Variants in DPP6 observed in about 807,000 individuals in gnomAD.
DPP6 encodes dipeptidyl peptidase like 6, also known as A-type potassium channel modulatory protein DPP6.
In DPP6, 69 loss-of-function variants were observed where a neutral mutation model predicts 122.6. The ratio of observed to expected loss-of-function variants is 0.56; its 90% confidence interval spans 0.46 to 0.69. The LOEUF (loss-of-function observed/expected upper bound fraction) is 0.69. DPP6 is among the 30% of genes least tolerant of loss of function. The pLI is 0.00. For missense variants in DPP6, 928 were observed against 1,116.9 expected (o/e 0.83, Z 2.41); for synonymous variants, 418 against 433.1 (o/e 0.97, Z 0.43).
chr7:154,395,655 T>G (rs1815017040), intron 1 of DPP6, among the ~76,000 whole-genome samples: 1 of 152,160 alleles, frequency 6.6e-6, no homozygotes, highest in African/African-American at 2.4e-5. Flanking sequence ...AAAAATGGGA[T>G]CCTTAAGGTT....
At position 154,090,568 on chromosome 7, in the gene DPP6, T is replaced by G. The variant is rs1185659147; in HGVS notation, c.243+37505T>G. ...TTGTGTATCAAAAAGTATATTTTTTTGGGAATACAAAGCCACCACCACCAC... is the reference window on the plus strand; with the variant it reads ...TTGTGTATCAAAAAGTATATTTTTTGGGGAATACAAAGCCACCACCACCAC... On this transcript the variant is annotated intron_variant, in intron 1 of 25. Transcript: ENST00000377770. Among the ~76,000 whole-genome samples the G allele has an allele frequency of 9.2e-5, 14 of 152,280 alleles. No homozygotes were observed. In the East Asian group the frequency reaches 1.4e-3, roughly 15 times the overall value.
rs370711275 is a variant in DPP6, at chr7:154,390,648, C to A, written c.244-55566C>A. On this transcript the variant is annotated intron_variant, in intron 1 of 25. Transcript: ENST00000377770. ...AGCAAACGCCAGGCAGAGTGTGGAA[C>A]CTGGACCCTTCAAAGAGAAACGCAG... Among the ~76,000 whole-genome samples, 26 of 152,236 alleles carry A rather than the reference C, an allele frequency of 1.7e-4. No homozygotes were observed. The East Asian group carries it at 4.8e-3, about 28-fold the overall frequency.
chr7:154,262,655 CAAAAAA>C (rs200633251), intron 1 of DPP6, among the ~76,000 whole-genome samples: 28,419 of 129,250 alleles, frequency 0.22, 3,185 homozygotes, highest in African/African-American at 0.35. Context: ...AAATGAAGTT[CAAAAAA>C]AAAAAAAAAA....
intron 1 of DPP6, among the ~76,000 whole-genome samples, chr7:153,933,675 T>C (rs1303898025): frequency 3.1e-5 from 3 of 97,608 alleles, no homozygotes; most frequent in Admixed American, 1.3e-4. Context: ...CCCTTCACAT[T>C]GCCACATTCT....
chr7:153,908,018 A>C (rs2129001711), intron 1 of DPP6, among the ~76,000 whole-genome samples: 1 of 147,014 alleles, frequency 6.8e-6, no homozygotes, highest in Middle Eastern at 3.5e-3. Context: ...ATTGAAATTT[A>C]GAGGCTGGAA....
chr7:153,767,205 G>A, the DPP6 span, among the ~76,000 whole-genome samples: 7 of 152,144 alleles, frequency 4.6e-5, no homozygotes, highest in Non-Finnish European at 1.0e-4. Context: ...CACTTACCAA[G>A]AAGAGCAGAA....
the DPP6 span, among the ~76,000 whole-genome samples, chr7:153,768,996 G>T: frequency 2.0e-5 from 3 of 152,066 alleles, no homozygotes; most frequent in Non-Finnish European, 2.9e-5. Flanking sequence ...AGTTAAATTG[G>T]CCTTTGAGTA....
the DPP6 span, among the ~76,000 whole-genome samples, chr7:153,777,422 TAAA>T: frequency 7.2e-6 from 1 of 138,228 alleles, no homozygotes; most frequent in Non-Finnish European, 1.5e-5. Context: ...TGTGCTCACA[TAAA>T]AACCTGTACA....
chr7:154,265,881 A>G (rs887163034), intron 1 of DPP6, among the ~76,000 whole-genome samples: 5 of 152,202 alleles, frequency 3.3e-5, no homozygotes, highest in Admixed American at 6.5e-5. Flanking sequence ...TTTAACTAGC[A>G]AAAGATCAGA....
chr7:153,760,276 C>G, the DPP6 span, among the ~76,000 whole-genome samples: 1 of 152,036 alleles, frequency 6.6e-6, no homozygotes, highest in Non-Finnish European at 1.5e-5. Context: ...TAATGTTGTC[C>G]ATGTCTTCAT....
At chr7:153,933,044 G>T (rs369657255) in intron 1 of DPP6, among the ~76,000 whole-genome samples, 332 of 152,216 alleles carry the variant, frequency 2.2e-3, no homozygotes, top group Non-Finnish European at 4.0e-3. Flanking sequence ...ATGTATCTTT[G>T]CTCCTCCTTC....
At position 154,030,062 on chromosome 7, in the gene DPP6, G is replaced by A. The variant is rs193069918; in HGVS notation, c.51+142328G>A. 5.5e-4 allele frequency among the ~76,000 whole-genome samples: 83 copies of A among 152,056 alleles called. 2 individuals carry two copies. The East Asian group carries it at 0.016, about 28-fold the overall frequency. ...AATACAAGAATTAGCCAGGCGTGGCGGCGCACACCTGTAGTTCCAAGTACT... is the reference window on the plus strand; with the variant it reads ...AATACAAGAATTAGCCAGGCGTGGCAGCGCACACCTGTAGTTCCAAGTACT... On this transcript the variant is annotated intron_variant, in intron 1 of 25. Coordinates refer to the DPP6 transcript ENST00000404039.
At chr7:154,523,941 G>A (rs752968749) in intron 3 of DPP6, among the ~76,000 whole-genome samples, 1 of 152,176 alleles carries the variant, frequency 6.6e-6, no homozygotes, top group Non-Finnish European at 1.5e-5. Context: ...AATGAGGTTA[G>A]CATCCATCAT....
chr7:154,086,858 C>A (rs1288976982), intron 1 of DPP6, among the ~76,000 whole-genome samples: 1 of 152,136 alleles, frequency 6.6e-6, no homozygotes, highest in Non-Finnish European at 1.5e-5. Context: ...ACCTCATGAT[C>A]CACCTGCCTT....
the DPP6 span, among the ~76,000 whole-genome samples, chr7:153,864,400 A>C: frequency 6.6e-6 from 1 of 152,146 alleles, no homozygotes; most frequent in Admixed American, 6.6e-5. Context: ...CACACTTCTA[A>C]TCCCAGCACT....
upstream of DPP6, among the ~76,000 whole-genome samples, chr7:153,886,928 G>T (rs928025412): frequency 6.6e-5 from 10 of 152,058 alleles, no homozygotes; most frequent in African/African-American, 2.4e-4. Flanking sequence ...GGCAATCACC[G>T]TAGTGCTTGT....
chr7:153,955,318 A>G (rs1036604012), intron 1 of DPP6, among the ~76,000 whole-genome samples: 1 of 152,164 alleles, frequency 6.6e-6, no homozygotes. Flanking sequence ...AATCATCATC[A>G]TTATCACCGT....
chr7:154,795,237 C>G (rs10226817), intron 11 of DPP6, among the ~76,000 whole-genome samples: 23,693 of 152,164 alleles, frequency 0.16, 2,750 homozygotes, highest in African/African-American at 0.32. Context: ...CTCCAGGGGC[C>G]CGGAGGTCCA....
At chr7:154,063,967 G>A in intron 1 of DPP6, among the ~76,000 whole-genome samples, 1 of 151,890 alleles carries the variant, frequency 6.6e-6, no homozygotes, top group Non-Finnish European at 1.5e-5. Flanking sequence ...AATGAGAAGA[G>A]CCCTAGAGCA....
Sources: allele counts gnomAD v4.1 joint callset (sites outside exome capture counted in the v4.1 genomes callset), GRCh38; gene constraint gnomAD v4.1.1; transcripts MANE v1.5; gene names NCBI Gene and HGNC (gene_info 2026-07-23, HGNC 2026-07-21).